Variants in RALGAPA2 observed in about 807,000 individuals in gnomAD.
The protein encoded by RALGAPA2 is ral GTPase-activating protein subunit alpha-2.
Under a neutral mutation model 230.4 loss-of-function variants are expected in RALGAPA2, and 139 were observed. That is an observed-to-expected ratio of 0.60 (90% CI 0.53 to 0.69). The LOEUF (loss-of-function observed/expected upper bound fraction) is 0.69, where lower values mean the gene tolerates loss of function less well. RALGAPA2 is among the 30% of genes least tolerant of loss of function. The pLI is 0.00. For synonymous variants in RALGAPA2, 847 were observed against 837.8 expected (o/e 1.01, Z -0.19); for missense variants, 2,163 against 2,276.0 (o/e 0.95, Z 1.01).
chr20:20,511,322 C>A lies in RALGAPA2; in HGVS notation c.4860G>T (p.Lys1620Asn). 1 of 1,548,634 alleles carries A rather than the reference C, an allele frequency of 6.5e-7. No homozygotes were observed. The highest frequency in any genetic ancestry group is 8.7e-7 in the Non-Finnish European group (1 of 1,147,540). ...DLGMNSWDRRKNFHLLKKNSK... is the reference protein window; with the variant it reads ...DLGMNSWDRRNNFHLLKKNSK... ...AATTTTTCTTCAATAGATGAAAATT[C>A]TTCCTATAAAGAAAAAAGGATGGAA... The change falls in exon 33 of 40, where the codon AAG (lysine) becomes AAT (asparagine). Residue 1620 changes from lysine to asparagine, a missense_variant. Coordinates refer to ENST00000202677, the MANE Select transcript of RALGAPA2 (RefSeq NM_020343.4).
chr20:20,654,410 G>A (rs763688752), intron 3 of RALGAPA2, among the ~76,000 whole-genome samples: 10 of 152,084 alleles, frequency 6.6e-5, no homozygotes, highest in Non-Finnish European at 1.0e-4. Context: ...GGCTGGTCTC[G>A]AACTCCTGAC....
intron 31 of RALGAPA2, among the ~76,000 whole-genome samples, chr20:20,514,276 T>G (rs947223872): frequency 6.6e-6 from 1 of 152,006 alleles, no homozygotes; most frequent in Admixed American, 6.5e-5. Flanking sequence ...CCCAAGCAGA[T>G]CTCCAGGAAT....
At chr20:20,652,398 TC>T (rs1348659128) in intron 4 of RALGAPA2, among the ~76,000 whole-genome samples, 2 of 152,222 alleles carry the variant, frequency 1.3e-5, no homozygotes, top group African/African-American at 4.8e-5. Context: ...TTTTTTGTTA[TC>T]ATCATACTTC....
At chr20:20,689,689 C>T (rs1361108351) in intron 1 of RALGAPA2, among the ~76,000 whole-genome samples, 1 of 152,180 alleles carries the variant, frequency 6.6e-6, no homozygotes, top group Non-Finnish European at 1.5e-5. Context: ...CCCGCAATTT[C>T]CTCCTCTCAA....
intron 36 of RALGAPA2, among the ~76,000 whole-genome samples, chr20:20,489,481 T>C (rs906579417): frequency 1.3e-5 from 2 of 149,654 alleles, no homozygotes; most frequent in Non-Finnish European, 3.0e-5. Context: ...ATATTCTATA[T>C]AAAAAAATAA....
chr20:20,432,317 C>T (rs1300977420), intron 37 of RALGAPA2, among the ~76,000 whole-genome samples: 1 of 152,208 alleles, frequency 6.6e-6, no homozygotes, highest in African/African-American at 2.4e-5. Flanking sequence ...AAGGAGCTGC[C>T]TTGTGTCACA....
chr20:20,420,657 G>A (rs1215968635), intron 37 of RALGAPA2, among the ~76,000 whole-genome samples: 1 of 152,136 alleles, frequency 6.6e-6, no homozygotes, highest in East Asian at 1.9e-4. Context: ...AGAGAATGAG[G>A]CACTACACAC....
chr20:20,587,147 G>T (rs746780798), intron 18 of RALGAPA2, among the ~76,000 whole-genome samples: 2 of 152,086 alleles, frequency 1.3e-5, no homozygotes, highest in Non-Finnish European at 2.9e-5. Context: ...GAAATGGAAG[G>T]AAAAGGACAA....
intron 3 of RALGAPA2, among the ~76,000 whole-genome samples, chr20:20,674,017 A>G (rs969772528): frequency 6.6e-6 from 1 of 151,970 alleles, no homozygotes; most frequent in Non-Finnish European, 1.5e-5. Flanking sequence ...GGGAGACCCT[A>G]TGTCTACAAC....
At chr20:20,675,191 C>T (rs1249248942) in intron 3 of RALGAPA2, among the ~76,000 whole-genome samples, 2 of 152,086 alleles carry the variant, frequency 1.3e-5, no homozygotes, top group Non-Finnish European at 2.9e-5. Context: ...ATATGTGTAT[C>T]AACATATGTG....
intron 3 of RALGAPA2, among the ~76,000 whole-genome samples, chr20:20,675,177 C>T (rs1022734892): frequency 3.3e-5 from 5 of 152,164 alleles, no homozygotes; most frequent in African/African-American, 1.2e-4. Flanking sequence ...ATAACCACTA[C>T]AGAATATGTG....
chr20:20,635,490 AAAG>A lies in RALGAPA2; in HGVS notation c.930_932del (p.Phe311del), dbSNP rs1308601200. The A allele has an allele frequency of 2.5e-6, 4 of 1,601,020 alleles. No individual in the cohort carries two copies. The highest frequency in any genetic ancestry group is 1.1e-5 in the South Asian group (1 of 88,258). On this transcript the variant is annotated inframe_deletion, in exon 9 of 40. Transcript: ENST00000202677. Reference sequence around the variant, plus strand: ...TTGCAGTTAGATACTTTTTTTCCAAAAAGAAGGTTACAATCCACTTAATAAAAA... The same window carrying A: ...TTGCAGTTAGATACTTTTTTTCCAAAAAGGTTACAATCCACTTAATAAAAA...
chr20:20,566,138 G>A (rs1167239617), intron 23 of RALGAPA2, among the ~76,000 whole-genome samples: 1 of 152,162 alleles, frequency 6.6e-6, no homozygotes, highest in Admixed American at 6.5e-5. Context: ...CCCCTGTGCT[G>A]CTGCCCACCA....
chr20:20,411,950 A>G (rs113617401), intron 38 of RALGAPA2, 77 bp downstream of exon 38: 1 of 1,557,398 alleles, frequency 6.4e-7, no homozygotes, highest in South Asian at 1.1e-5. Context: ...CAAAGCATTT[A>G]TCTGTGAAAA....
intron 37 of RALGAPA2, among the ~76,000 whole-genome samples, chr20:20,464,078 G>A (rs1003025160): frequency 2.0e-5 from 3 of 152,162 alleles, no homozygotes; most frequent in Non-Finnish European, 2.9e-5. Context: ...CGAAGCGCCA[G>A]GAGGCTTTTG....
intron 37 of RALGAPA2, among the ~76,000 whole-genome samples, chr20:20,440,206 AC>A (rs1266084047): frequency 6.6e-6 from 1 of 152,192 alleles, no homozygotes; most frequent in Admixed American, 6.5e-5. Context: ...AAGCAAAATG[AC>A]CTGGCCCAGA....
chr20:20,672,548 GT>G (rs2068173006), intron 3 of RALGAPA2, among the ~76,000 whole-genome samples: 1 of 152,180 alleles, frequency 6.6e-6, no homozygotes, highest in Non-Finnish European at 1.5e-5. Context: ...CAATAGATTG[GT>G]AAAGTAGCAG....
chr20:20,400,461 T>C (rs924048751), intron 38 of RALGAPA2, among the ~76,000 whole-genome samples: 4 of 152,198 alleles, frequency 2.6e-5, no homozygotes, highest in Non-Finnish European at 5.9e-5. Flanking sequence ...AGGTGGATCA[T>C]TGGTAAAAAA....
At chr20:20,502,040 T>C (rs1210095652) in intron 35 of RALGAPA2, among the ~76,000 whole-genome samples, 1 of 151,894 alleles carries the variant, frequency 6.6e-6, no homozygotes, top group Non-Finnish European at 1.5e-5. Context: ...GATCACCATA[T>C]GAGATAATGA....
Sources: allele counts gnomAD v4.1 joint callset (sites outside exome capture counted in the v4.1 genomes callset), GRCh38; gene constraint gnomAD v4.1.1; transcripts MANE v1.5; gene names NCBI Gene and HGNC (gene_info 2026-07-23, HGNC 2026-07-21).